MYPN: variants seen among roughly 807,000 people sequenced by gnomAD.
MYPN encodes the protein myopalladin.
A neutral mutation model predicts 129.4 loss-of-function variants in MYPN; 63 were observed. The ratio of observed to expected loss-of-function variants is 0.49; its 90% CI spans 0.40 to 0.60. The LOEUF is 0.60. MYPN is among the 20% of genes least tolerant of loss of function. The probability of loss-of-function intolerance (pLI) is 0.00; values close to 1 mark genes in which losing one functional copy is unlikely to be tolerated. For missense variants in MYPN, 1,596 were observed against 1,635.4 expected (o/e 0.98, Z 0.42); for synonymous variants, 629 against 600.9 (o/e 1.05, Z -0.68).
intron 1 of MYPN, among the ~76,000 whole-genome samples, chr10:68,091,129 A>C (rs947701910): frequency 3.9e-5 from 6 of 152,158 alleles, no homozygotes; most frequent in African/African-American, 1.4e-4. Context: ...TTAAAAAACT[A>C]AACTGAAATT....
In MYPN at chr10:68,202,045, T is replaced by G. The variant is rs774049677; in HGVS notation, c.3659+51T>G. The G allele has an allele frequency of 4.4e-6, 7 of 1,601,568 alleles. No homozygotes were observed. In the East Asian group the frequency reaches 1.3e-4, roughly 31 times the overall value. On this transcript the variant is annotated intron_variant, in intron 18 of 19. Coordinates refer to ENST00000358913, the MANE Select transcript of MYPN (RefSeq NM_032578.4). ...GACTCCCACTCTCAGTGGGGCTTGTTGCGCCACCCAAATAAGTCTGCTGCT... is the reference window on the plus strand; with the variant it reads ...GACTCCCACTCTCAGTGGGGCTTGTGGCGCCACCCAAATAAGTCTGCTGCT...
chr10:68,142,263 A>G (rs1285294670), intron 2 of MYPN, among the ~76,000 whole-genome samples: 1 of 152,146 alleles, frequency 6.6e-6, no homozygotes, highest in East Asian at 1.9e-4. Flanking sequence ...TTCTCTTATT[A>G]TGCACCTCTA....
intron 2 of MYPN, among the ~76,000 whole-genome samples, chr10:68,131,879 C>A (rs2042416993): frequency 6.6e-6 from 1 of 152,118 alleles, no homozygotes; most frequent in South Asian, 2.1e-4. Flanking sequence ...ACTTCTATAA[C>A]CTTGTTAAAT....
intron 19 of MYPN, among the ~76,000 whole-genome samples, chr10:68,209,135 C>A (rs886824470): frequency 2.0e-5 from 3 of 152,176 alleles, no homozygotes; most frequent in African/African-American, 7.2e-5. Context: ...ACCCAGAGCA[C>A]GAGAGTTCCC....
intron 1 of MYPN, among the ~76,000 whole-genome samples, chr10:68,097,283 C>T (rs565252340): frequency 3.3e-5 from 5 of 152,158 alleles, no homozygotes; most frequent in Non-Finnish European, 5.9e-5. Flanking sequence ...CACTAATTAG[C>T]ATTCTTGTTG....
chr10:68,112,151 T>C lies in MYPN; in HGVS notation c.-2+2428T>C, dbSNP rs541681566. On this transcript the variant is annotated intron_variant, in intron 1 of 19. Coordinates refer to ENST00000358913, the MANE Select transcript of MYPN (RefSeq NM_032578.4). ...ATAAAACCTCCTATGCCTATCACTT[T>C]TGTGACAACCACCAAACCCTTTTTC... Among the ~76,000 whole-genome samples the C allele has an allele frequency of 2.6e-5, 4 of 152,346 alleles. No individual in the cohort carries two copies. In the South Asian group the frequency reaches 8.3e-4, roughly 32 times the overall value.
At chr10:68,111,358 A>G (rs971425652) in intron 1 of MYPN, among the ~76,000 whole-genome samples, 2 of 152,232 alleles carry the variant, frequency 1.3e-5, no homozygotes, top group African/African-American at 2.4e-5. Flanking sequence ...ACCTGAAAAT[A>G]TAAGTCAAAT....
chr10:68,195,704 A>C (rs1564695090), intron 15 of MYPN, among the ~76,000 whole-genome samples, 172 bp downstream of exon 15: 1 of 152,134 alleles, frequency 6.6e-6, no homozygotes, highest in Non-Finnish European at 1.5e-5. Flanking sequence ...CCCACTCTGG[A>C]TCTACTGACT....
chr10:68,182,226 CATATATATATA>C (rs1564686404), intron 12 of MYPN, among the ~76,000 whole-genome samples: 9 of 83,370 alleles, frequency 1.1e-4, no homozygotes, highest in Admixed American at 3.8e-4. Flanking sequence ...ATATATAACA[CATATATATATA>C]ACATATATAT....
chr10:68,127,933 T>C (rs1257712392), intron 2 of MYPN, among the ~76,000 whole-genome samples: 1 of 152,222 alleles, frequency 6.6e-6, no homozygotes, highest in Non-Finnish European at 1.5e-5. Flanking sequence ...GCCTAACCTA[T>C]GTGCTCCTGT....
At chr10:68,116,268 T>C (rs2042155446) in intron 1 of MYPN, among the ~76,000 whole-genome samples, 1 of 131,358 alleles carries the variant, frequency 7.6e-6, no homozygotes, top group Non-Finnish European at 1.6e-5. Flanking sequence ...ATAGAAAGTT[T>C]TTAAATTAAT....
Position 68,163,706 on chromosome 10 carries a change from G to A in MYPN, c.1483+1954G>A, listed in dbSNP as rs569040491. Among the ~76,000 whole-genome samples the A allele has an allele frequency of 5.3e-5, 8 of 152,230 alleles. No individual in the cohort carries two copies. In the East Asian group the frequency reaches 1.5e-3, roughly 29 times the overall value. ...GGGGATGCAAATCAATTCTTAAACA[G>A]TCTTATGATCCTAATGTCAGAAATC... is the stretch of plus-strand genomic sequence containing the variant. On this transcript the variant is annotated intron_variant, in intron 8 of 19. Coordinates refer to ENST00000358913, the MANE Select transcript of MYPN (RefSeq NM_032578.4).
At chr10:68,144,188 G>T (rs1272031013) in intron 3 of MYPN, among the ~76,000 whole-genome samples, 8 of 151,970 alleles carry the variant, frequency 5.3e-5, no homozygotes, top group Admixed American at 1.3e-4. Context: ...TTAATTTGAG[G>T]TGAAAAAAAT....
intron 4 of MYPN, among the ~76,000 whole-genome samples, chr10:68,147,160 A>G (rs2042680360): frequency 6.6e-6 from 1 of 152,006 alleles, no homozygotes; most frequent in Non-Finnish European, 1.5e-5. Flanking sequence ...TTTATTATTT[A>G]TTTGTTTATT....
In MYPN at chr10:68,157,401, C is replaced by T. The variant is rs150342515; in HGVS notation, c.1318-1085C>T. ...GAACCAGTTACTTGGGCCATAGAAC[C>T]CTTCCACATTATGAGCAGCCACATT... On this transcript the variant is annotated intron_variant, in intron 6 of 19. Coordinates refer to ENST00000358913, the MANE Select transcript of MYPN (RefSeq NM_032578.4). 1.3e-4 allele frequency among the ~76,000 whole-genome samples: 20 copies of T among 152,162 alleles called. No individual in the cohort carries two copies. In the East Asian group the frequency reaches 2.7e-3, roughly 21 times the overall value.
At chr10:68,208,286 T>C (rs2043849940) in intron 19 of MYPN, among the ~76,000 whole-genome samples, 1 of 152,228 alleles carries the variant, frequency 6.6e-6, no homozygotes, top group Non-Finnish European at 1.5e-5. Flanking sequence ...CTGCTATTTA[T>C]GGTTGCATAG....
chr10:68,170,986 T>C (rs1203241243), intron 10 of MYPN, among the ~76,000 whole-genome samples: 1 of 151,776 alleles, frequency 6.6e-6, no homozygotes, highest in Non-Finnish European at 1.5e-5. Context: ...CCGTCTCTAC[T>C]AAAAATACAA....
At chr10:68,169,674 A>C (rs1194152139) in intron 10 of MYPN, among the ~76,000 whole-genome samples, 1 of 151,714 alleles carries the variant, frequency 6.6e-6, no homozygotes, top group South Asian at 2.1e-4. Flanking sequence ...AAGACGGCTG[A>C]TGGTGGTCAA....
chr10:68,120,989 G>A (rs188380795), intron 1 of MYPN, among the ~76,000 whole-genome samples: 5 of 152,242 alleles, frequency 3.3e-5, no homozygotes, highest in East Asian at 3.9e-4. Flanking sequence ...TTTAAAGTTT[G>A]TAAAAGGGGG....
Sources: allele counts gnomAD v4.1 joint callset (sites outside exome capture counted in the v4.1 genomes callset), GRCh38; gene constraint gnomAD v4.1.1; transcripts MANE v1.5; gene names NCBI Gene and HGNC (gene_info 2026-07-23, HGNC 2026-07-21).